GPR39: variants seen among roughly 807,000 people sequenced by gnomAD.
GPR39 encodes zinc sensing receptor.
Under a neutral mutation model 18.4 loss-of-function variants are expected in GPR39, and 23 were observed. The observed-to-expected ratio is 1.25, with a 90% CI of 0.90 to 1.77. The LOEUF (loss-of-function observed/expected upper bound fraction) is 1.77. Ranked by LOEUF, GPR39 falls within the 40% of genes most tolerant of loss-of-function variation. The pLI is 0.00. For missense variants in GPR39, 647 were observed against 602.4 expected (o/e 1.07, Z -0.78); for synonymous variants, 280 against 257.9 (o/e 1.09, Z -0.82).
chr2:132,446,983 G>A (rs114035571), intron 1 of GPR39, among the ~76,000 whole-genome samples: 1,609 of 152,294 alleles, frequency 0.011, 30 homozygotes, highest in African/African-American at 0.036. Context: ...CAAGGGGCAT[G>A]TAATAGTGTT....
intron 1 of GPR39, among the ~76,000 whole-genome samples, chr2:132,551,544 C>T (rs1183617504): frequency 6.6e-6 from 1 of 152,138 alleles, no homozygotes; most frequent in African/African-American, 2.4e-5. Context: ...AAGCTTGATG[C>T]AAGGATGGGC....
At chr2:132,560,390 C>T (rs1369553044) in intron 1 of GPR39, among the ~76,000 whole-genome samples, 2 of 152,182 alleles carry the variant, frequency 1.3e-5, no homozygotes, top group Non-Finnish European at 2.9e-5. Context: ...CCTGGGTCCC[C>T]TTCCACTGCT....
chr2:132,588,422 G>T (rs376483083), intron 1 of GPR39, among the ~76,000 whole-genome samples: 20 of 152,298 alleles, frequency 1.3e-4, no homozygotes, highest in Middle Eastern at 3.4e-3. Context: ...GTGGGTTAAG[G>T]CAGGGCACAG....
intron 1 of GPR39, among the ~76,000 whole-genome samples, chr2:132,610,524 C>T (rs1212608057): frequency 6.6e-6 from 1 of 152,100 alleles, no homozygotes. Flanking sequence ...CATCTGTAAT[C>T]TTAGCACTTT....
At chr2:132,569,345 T>C (rs72841213) in intron 1 of GPR39, among the ~76,000 whole-genome samples, 435 of 152,214 alleles carry the variant, frequency 2.9e-3, no homozygotes, top group Middle Eastern at 6.8e-3. Context: ...AGCACAGATG[T>C]TGGGCCCAGT....
chr2:132,502,103 T>G (rs560028088), intron 1 of GPR39, among the ~76,000 whole-genome samples: 1 of 152,326 alleles, frequency 6.6e-6, no homozygotes, highest in East Asian at 1.9e-4. Context: ...TGTGAGGTAC[T>G]ATTCTATTCA....
rs1558871703 is a variant in GPR39, at chr2:132,645,659, C to T, written c.*53C>T. 1.4e-5 allele frequency: 22 copies of T among 1,562,466 alleles called. No individual in the cohort carries two copies. The Admixed American group carries it at 1.7e-4, about 12-fold the overall frequency. On this transcript the variant is annotated 3_prime_UTR_variant, in exon 2 of 2. Transcript: ENST00000329321. Reference sequence around the variant, plus strand: ...AACTGGCCCTCCAGCCCTAAGAAAACGTCACTCTCACTCTGCAGTCTCAAA... The same window carrying T: ...AACTGGCCCTCCAGCCCTAAGAAAATGTCACTCTCACTCTGCAGTCTCAAA...
intron 1 of GPR39, among the ~76,000 whole-genome samples, chr2:132,491,674 A>G (rs1410232666): frequency 6.6e-6 from 1 of 151,888 alleles, no homozygotes; most frequent in Admixed American, 6.6e-5. Context: ...GGGGTTAGGA[A>G]TGGAGATTGG....
At chr2:132,479,701 G>C (rs779463724) in intron 1 of GPR39, among the ~76,000 whole-genome samples, 1 of 152,182 alleles carries the variant, frequency 6.6e-6, no homozygotes, top group Non-Finnish European at 1.5e-5. Context: ...CCAGAAAATA[G>C]CAAGTGTTGG....
At chr2:132,491,135 G>C (rs1681452707) in intron 1 of GPR39, among the ~76,000 whole-genome samples, 1 of 152,182 alleles carries the variant, frequency 6.6e-6, no homozygotes, top group Admixed American at 6.5e-5. Context: ...TAGTAAGCCA[G>C]TTTGAACCAG....
At chr2:132,499,887 C>T (rs754117465) in intron 1 of GPR39, among the ~76,000 whole-genome samples, 1 of 152,090 alleles carries the variant, frequency 6.6e-6, no homozygotes, top group Non-Finnish European at 1.5e-5. Flanking sequence ...TCATCTTGGT[C>T]ACTGTTGGTG....
chr2:132,509,952 C>T (rs1189942551), intron 1 of GPR39, among the ~76,000 whole-genome samples: 1 of 151,958 alleles, frequency 6.6e-6, no homozygotes, highest in East Asian at 1.9e-4. Flanking sequence ...TCTTGGAAGC[C>T]ATTTGCCATG....
chr2:132,645,489 C>T lies in GPR39; in HGVS notation c.1245C>T (p.Ser415=), dbSNP rs145224705. 2.5e-4 allele frequency: 401 copies of T among 1,613,800 alleles called. 1 individual carries two copies. Among genetic ancestry groups the T allele is most frequent in the Non-Finnish European group, 2.9e-4 (343 of 1,180,032 alleles). ...TEKIFLSTFQ[S]EAEPQSKSQS... ...AGATTTTCTTAAGCACTTTTCAGAG[C>T]GAGGCCGAGCCCCAGTCTAAGTCCC... The change falls in exon 2 of 2, where the codon AGC becomes AGT. Residue 415 remains serine, a synonymous_variant. Transcript: ENST00000329321.
chr2:132,645,298 C>A lies in GPR39; in HGVS notation c.1054C>A (p.Arg352=), dbSNP rs575186714. The stretch of plus-strand genomic sequence containing the variant: ...GTACACGGTGTCCTCGCAGCAGTTT[C>A]GGCGGGTGTTCGTGCAGGTGCTGTG... The part of the protein sequence containing the change: ...LLYTVSSQQF[R]RVFVQVLCCR... The change falls in exon 2 of 2, where the codon CGG becomes AGG. Residue 352 remains arginine (R), a synonymous_variant. Coordinates refer to ENST00000329321, the MANE Select transcript of GPR39 (RefSeq NM_001508.3). 1 of 1,614,088 alleles carries A rather than the reference C, an allele frequency of 6.2e-7. No homozygotes were observed. The highest frequency in any genetic ancestry group is 8.5e-7 in the Non-Finnish European group (1 of 1,180,026).
At chr2:132,627,795 C>T (rs772676663) in intron 1 of GPR39, among the ~76,000 whole-genome samples, 18 of 152,168 alleles carry the variant, frequency 1.2e-4, no homozygotes, top group Middle Eastern at 3.2e-3. Context: ...TTGGATTTTG[C>T]TCCATCCCTA....
At chr2:132,422,745 G>C (rs960822972) in intron 1 of GPR39, among the ~76,000 whole-genome samples, 5 of 151,990 alleles carry the variant, frequency 3.3e-5, no homozygotes, top group Admixed American at 3.3e-4. Context: ...CAAGTGTCCT[G>C]TGATCAGCCT....
chr2:132,639,323 T>G (rs1358770123), intron 1 of GPR39, among the ~76,000 whole-genome samples: 1 of 151,832 alleles, frequency 6.6e-6, no homozygotes, highest in Non-Finnish European at 1.5e-5. Flanking sequence ...CTCACTATGG[T>G]CAGGATTAGA....
In GPR39 at chr2:132,417,246, GACAGACC is replaced by G; in HGVS notation, c.208_214del (p.Asp70TrpfsTer2). 1 of 1,614,154 alleles carries G rather than the reference GACAGACC, an allele frequency of 6.2e-7. No individual in the cohort carries two copies. The highest frequency in any genetic ancestry group is 2.2e-5 in the East Asian group (1 of 44,862). On this transcript the variant is annotated frameshift_variant, in exon 1 of 2. Transcript: ENST00000329321. LOFTEE classifies it high-confidence loss of function. The stretch of plus-strand genomic sequence containing the variant: ...AGAAAGGATACTTGCAGAAGGAGGT[GACAGACC>G]ACATGGTGAGTTTGGCTTGCTCGGA...
In GPR39 at chr2:132,417,376, A is replaced by C; in HGVS notation, c.334A>C (p.Thr112Pro). 1 of 1,614,110 alleles carries C rather than the reference A, an allele frequency of 6.2e-7. No homozygotes were observed. Among genetic ancestry groups the C allele is most frequent in the Non-Finnish European group, 8.5e-7 (1 of 1,179,998 alleles). The change falls in exon 1 of 2, where the codon ACT becomes CCT. Residue 112 changes from threonine to proline, a missense_variant. Transcript: ENST00000329321. ...CTACACCCTGTCCTGCAAGCTGCACACTTTCCTCTTCGAGGCCTGCAGCTA... is the reference window on the plus strand; with the variant it reads ...CTACACCCTGTCCTGCAAGCTGCACCCTTTCCTCTTCGAGGCCTGCAGCTA... ...SSYTLSCKLH[T>P]FLFEACSYAT...
Sources: allele counts gnomAD v4.1 joint callset (sites outside exome capture counted in the v4.1 genomes callset), GRCh38; gene constraint gnomAD v4.1.1; transcripts MANE v1.5; gene names NCBI Gene and HGNC (gene_info 2026-07-23, HGNC 2026-07-21).